Variants in PDCD1LG2 observed in about 807,000 individuals in gnomAD.
PDCD1LG2 encodes B7 dendritic cell molecule.
In PDCD1LG2, 32 loss-of-function variants were observed where a neutral mutation model predicts 28.2. The ratio of observed to expected loss-of-function variants is 1.13; its 90% confidence interval spans 0.86 to 1.52. The LOEUF is 1.52. Ranked by LOEUF, PDCD1LG2 falls within the 40% of genes most tolerant of loss-of-function variation. The pLI, the probability that PDCD1LG2 is intolerant of heterozygous loss-of-function variation, is 0.00. For missense variants in PDCD1LG2, 385 were observed against 323.8 expected (o/e 1.19, Z -1.45); for synonymous variants, 116 against 120.2 (o/e 0.97, Z 0.23).
intron 3 of PDCD1LG2, among the ~76,000 whole-genome samples, chr9:5,539,526 G>A (rs1820649079): frequency 6.6e-6 from 1 of 152,162 alleles, no homozygotes; most frequent in South Asian, 2.1e-4. Context: ...AAATTATGAG[G>A]TGGAATGACC....
chr9:5,558,224 G>A (rs114734525), intron 5 of PDCD1LG2, among the ~76,000 whole-genome samples: 30 of 152,192 alleles, frequency 2.0e-4, no homozygotes, highest in African/African-American at 7.0e-4. Context: ...AAAGGAGAAA[G>A]GTTTGTGAGG....
intron 3 of PDCD1LG2, among the ~76,000 whole-genome samples, chr9:5,542,374 G>C (rs1437604143): frequency 7.9e-5 from 12 of 151,578 alleles, no homozygotes; most frequent in African/African-American, 2.7e-4. Context: ...CACAGCAAAA[G>C]AAATAATCAG....
chr9:5,556,571 A>G (rs1816446612), intron 4 of PDCD1LG2, among the ~76,000 whole-genome samples: 1 of 152,176 alleles, frequency 6.6e-6, no homozygotes, highest in Non-Finnish European at 1.5e-5. Flanking sequence ...CAGACTAAAT[A>G]ATGTCTAATC....
chr9:5,519,707 C>T (rs148360059), intron 1 of PDCD1LG2, among the ~76,000 whole-genome samples: 1 of 152,216 alleles, frequency 6.6e-6, no homozygotes, highest in Admixed American at 6.5e-5. Context: ...AACACCTCCA[C>T]TTGGCTATCT....
chr9:5,519,478 A>G (rs1820233586), intron 1 of PDCD1LG2, among the ~76,000 whole-genome samples: 1 of 152,142 alleles, frequency 6.6e-6, no homozygotes, highest in Non-Finnish European at 1.5e-5. Context: ...GATAATACAC[A>G]CTGCCATTTG....
In PDCD1LG2 at chr9:5,554,803, T is replaced by C. The variant is rs1816405001; in HGVS notation, c.632-2815T>C. ...TGATTCCAGGCAGTGGTTGAGAGCA[T>C]GGGCTCTGATGTCAGACAGGCTTAA... On this transcript the variant is annotated intron_variant, in intron 4 of 6. Coordinates refer to ENST00000397747, the MANE Select transcript of PDCD1LG2 (RefSeq NM_025239.4). 2.0e-5 allele frequency among the ~76,000 whole-genome samples: 3 copies of C among 152,216 alleles called. No homozygotes were observed. The South Asian group carries it at 6.2e-4, about 32-fold the overall frequency.
chr9:5,521,954 G>A (rs567519741), intron 1 of PDCD1LG2, among the ~76,000 whole-genome samples: 1 of 152,160 alleles, frequency 6.6e-6, no homozygotes, highest in South Asian at 2.1e-4. Flanking sequence ...ACCCTCATCA[G>A]AGCCAGTTCC....
At chr9:5,567,324 AG>A (rs1480916879) in intron 6 of PDCD1LG2, among the ~76,000 whole-genome samples, 1 of 152,256 alleles carries the variant, frequency 6.6e-6, no homozygotes, top group Non-Finnish European at 1.5e-5. Context: ...ACTTACTGTT[AG>A]AAATGGAGCT....
intron 6 of PDCD1LG2, among the ~76,000 whole-genome samples, chr9:5,565,217 C>G (rs372479063): frequency 5.3e-5 from 8 of 152,198 alleles, no homozygotes; most frequent in Non-Finnish European, 1.2e-4. Context: ...GAGTCTTGCT[C>G]TATCACCCAG....
At chr9:5,543,706 T>G (rs947391444) in intron 3 of PDCD1LG2, among the ~76,000 whole-genome samples, 6 of 152,122 alleles carry the variant, frequency 3.9e-5, no homozygotes, top group African/African-American at 1.2e-4. Context: ...TCTCAGTGTC[T>G]TTTTTTCCCT....
chr9:5,539,990 G>A (rs1820658364), intron 3 of PDCD1LG2, among the ~76,000 whole-genome samples: 1 of 151,964 alleles, frequency 6.6e-6, no homozygotes, highest in African/African-American at 2.4e-5. Flanking sequence ...CTATATAGTA[G>A]GCCACAAAAC....
rs1820296181 is a variant in PDCD1LG2 at position 5,522,573 on chromosome 9, C to A, written c.27C>A (p.Ser9Arg). 1 of 1,613,486 alleles carries A rather than the reference C, an allele frequency of 6.2e-7. No homozygotes were observed. Among genetic ancestry groups the A allele is most frequent in the South Asian group, 1.1e-5 (1 of 90,994 alleles). MIFLLLML[S>R]LELQLHQIAA... ...TGATCTTCCTCCTGCTAATGTTGAGCCTGGAATTGCAGCTTCACCAGATAG... is the reference window on the plus strand; with the variant it reads ...TGATCTTCCTCCTGCTAATGTTGAGACTGGAATTGCAGCTTCACCAGATAG... Residue 9 changes from serine to arginine, a missense_variant, in exon 2 of 7, where the codon AGC (serine) becomes AGA (arginine). By Grantham distance (110) the Ser-to-Arg change is moderately radical. Transcript: ENST00000397747.
chr9:5,528,876 T>C (rs1261634611), intron 2 of PDCD1LG2, among the ~76,000 whole-genome samples: 2 of 152,182 alleles, frequency 1.3e-5, no homozygotes, highest in Admixed American at 6.5e-5. Flanking sequence ...ATTACAGGCA[T>C]GTACCACCAT....
chr9:5,523,178 G>C (rs1267220686), intron 2 of PDCD1LG2, among the ~76,000 whole-genome samples: 1 of 152,118 alleles, frequency 6.6e-6, no homozygotes, highest in Non-Finnish European at 1.5e-5. Context: ...CTTGAAGAAA[G>C]GACTTCTATT....
chr9:5,557,711 C>G lies in PDCD1LG2; in HGVS notation c.725C>G (p.Ala242Gly), dbSNP rs768414568. Residue 242 changes from alanine to glycine, a missense_variant, in exon 5 of 7, where the codon GCC (alanine) becomes GGC (glycine). Physicochemically the swap from Ala to Gly is moderately conservative, Grantham distance 60. Transcript: ENST00000397747. Reference sequence around the variant, plus strand: ...TTCATTTTCATAGCCACAGTGATAGCCCTAAGAAAACAACTCTGTCAAAAG... The same window carrying G: ...TTCATTTTCATAGCCACAGTGATAGGCCTAAGAAAACAACTCTGTCAAAAG... The part of the protein sequence containing the change: ...IAFIFIATVI[A>G]LRKQLCQKLY... 3.1e-6 allele frequency: 5 copies of G among 1,613,774 alleles called. No individual in the cohort carries two copies. The highest frequency in any genetic ancestry group is 4.2e-6 in the Non-Finnish European group (5 of 1,179,816).
intron 4 of PDCD1LG2, 120 bp from the exon 5 acceptor site, chr9:5,557,498 G>C: frequency 8.8e-7 from 1 of 1,134,380 alleles, no homozygotes; most frequent in South Asian, 1.4e-5. Context: ...ATAGGGCCTG[G>C]TGTGGAGTAA....
chr9:5,543,851 A>G (rs921494438), intron 3 of PDCD1LG2, among the ~76,000 whole-genome samples: 10 of 111,344 alleles, frequency 9.0e-5, no homozygotes, highest in Admixed American at 5.8e-4. Context: ...AAAAGAAAAC[A>G]ATGTCCTGAA....
At chr9:5,556,342 G>A (rs1273195136) in intron 4 of PDCD1LG2, among the ~76,000 whole-genome samples, 1 of 152,126 alleles carries the variant, frequency 6.6e-6, no homozygotes, top group Non-Finnish European at 1.5e-5. Context: ...TAATCAATAT[G>A]GGTTATCCAA....
chr9:5,527,929 G>T (rs1820410203), intron 2 of PDCD1LG2, among the ~76,000 whole-genome samples: 1 of 151,898 alleles, frequency 6.6e-6, no homozygotes, highest in Non-Finnish European at 1.5e-5. Flanking sequence ...CCCGGGTTCA[G>T]GCTATTCTCC....
Sources: allele counts gnomAD v4.1 joint callset (sites outside exome capture counted in the v4.1 genomes callset), GRCh38; gene constraint gnomAD v4.1.1; transcripts MANE v1.5; gene names NCBI Gene and HGNC (gene_info 2026-07-23, HGNC 2026-07-21).